Variants in ARK2N observed in about 807,000 individuals in gnomAD.
ARK2N encodes the protein arkadia (RNF111) N-terminal like PKA signaling regulator 2N.
At chr18:46,239,708 A>C in the ARK2N span, among the ~76,000 whole-genome samples, 179 of 152,092 alleles carry the variant, frequency 1.2e-3, no homozygotes, top group African/African-American at 4.1e-3. Flanking sequence ...TTTTTTCTTA[A>C]TCTTGCTCTT....
the ARK2N span, among the ~76,000 whole-genome samples, chr18:46,249,878 G>A: frequency 1.3e-5 from 2 of 152,022 alleles, no homozygotes; most frequent in South Asian, 4.1e-4. Context: ...CTGGAGTGCA[G>A]TGGTGCAATC....
the ARK2N span, among the ~76,000 whole-genome samples, chr18:46,183,877 G>A: frequency 6.6e-6 from 1 of 152,032 alleles, no homozygotes; most frequent in Non-Finnish European, 1.5e-5. Flanking sequence ...AGGCTGGAGT[G>A]CAGTGGCGCG....
the ARK2N span, among the ~76,000 whole-genome samples, chr18:46,254,990 G>A: frequency 6.7e-6 from 1 of 148,186 alleles, no homozygotes; most frequent in African/African-American, 2.5e-5. Flanking sequence ...GAGTGAAGTT[G>A]TGATTTTCTG....
At chr18:46,187,875 C>T in the ARK2N span, among the ~76,000 whole-genome samples, 4 of 152,030 alleles carry the variant, frequency 2.6e-5, no homozygotes, top group African/African-American at 9.7e-5. Flanking sequence ...CAAGCTAAGC[C>T]TATTAAAAAA....
the ARK2N span, among the ~76,000 whole-genome samples, chr18:46,207,388 C>CTTTTTTTTTTTTTTTTTTTTTT: frequency 1.7e-5 from 2 of 115,916 alleles, no homozygotes; most frequent in African/African-American, 3.2e-5. Flanking sequence ...AGTTTCTATA[C>CTTTTTTTTTTTTTTTTTTTTTT]TTTTTTTTTT....
At chr18:46,200,842 C>A in the ARK2N span, among the ~76,000 whole-genome samples, 1 of 152,010 alleles carries the variant, frequency 6.6e-6, no homozygotes. Flanking sequence ...CTTATTTCAT[C>A]CTTAACTAAA....
At chr18:46,199,903 C>G in the ARK2N span, among the ~76,000 whole-genome samples, 5 of 152,128 alleles carry the variant, frequency 3.3e-5, no homozygotes, top group Non-Finnish European at 7.4e-5. Context: ...ATACAGAGTT[C>G]AGTTTGTCCT....
At chr18:46,221,992 A>G in the ARK2N span, among the ~76,000 whole-genome samples, 4 of 152,226 alleles carry the variant, frequency 2.6e-5, no homozygotes, top group Non-Finnish European at 4.4e-5. Flanking sequence ...AAAACTGTCT[A>G]TTTTCAGATT....
At chr18:46,177,119 A>G in the ARK2N span, among the ~76,000 whole-genome samples, 3 of 152,212 alleles carry the variant, frequency 2.0e-5, no homozygotes, top group African/African-American at 7.2e-5. Context: ...ATTTTAGGAA[A>G]GAGTTTGGGA....
the ARK2N span, among the ~76,000 whole-genome samples, chr18:46,226,610 A>G: frequency 6.6e-6 from 1 of 152,172 alleles, no homozygotes; most frequent in African/African-American, 2.4e-5. Flanking sequence ...AGAAAATACC[A>G]CAGGATTGAA....
the ARK2N span, among the ~76,000 whole-genome samples, chr18:46,234,821 T>C: frequency 6.6e-6 from 1 of 152,226 alleles, no homozygotes; most frequent in East Asian, 1.9e-4. Flanking sequence ...ATAGGGTCTT[T>C]TGACAGCAAC....
the ARK2N span, among the ~76,000 whole-genome samples, chr18:46,191,502 T>C: frequency 2.0e-5 from 3 of 152,136 alleles, no homozygotes; most frequent in Non-Finnish European, 4.4e-5. Flanking sequence ...TTAAAGTTCG[T>C]AGTTAACATT....
the ARK2N span, chr18:46,239,925 ATTAGAGGGCTC>A: frequency 5.3e-6 from 7 of 1,329,300 alleles, no homozygotes; most frequent in Non-Finnish European, 7.5e-6. Context: ...GGCAACTGAC[ATTAGAGGGCTC>A]TTACTAGTTT....
the ARK2N span, among the ~76,000 whole-genome samples, chr18:46,198,256 C>A: frequency 6.9e-6 from 1 of 144,664 alleles, no homozygotes; most frequent in Non-Finnish European, 1.5e-5. Context: ...TTGCAGTGAG[C>A]CGAGATCGCC....
the ARK2N span, among the ~76,000 whole-genome samples, chr18:46,210,688 T>A: frequency 1.3e-5 from 2 of 152,060 alleles, no homozygotes; most frequent in Non-Finnish European, 2.9e-5. Flanking sequence ...GGTGGGTCGA[T>A]CACTTGAACT....
At chr18:46,191,084 T>G in the ARK2N span, among the ~76,000 whole-genome samples, 3 of 152,180 alleles carry the variant, frequency 2.0e-5, no homozygotes, top group African/African-American at 7.2e-5. Flanking sequence ...TGTGTACTGC[T>G]TTTGGGCTTT....
chr18:46,264,665 A>G, the ARK2N span: 1 of 152,088 alleles, frequency 6.6e-6, no homozygotes, highest in African/African-American at 2.4e-5. Context: ...CACACCGCAC[A>G]TACACATGCA....
the ARK2N span, among the ~76,000 whole-genome samples, chr18:46,206,653 G>A: frequency 6.6e-6 from 1 of 152,118 alleles, no homozygotes; most frequent in African/African-American, 2.4e-5. Context: ...TTAAAACACA[G>A]TCCTTGTTTT....
At chr18:46,201,945 T>G in the ARK2N span, among the ~76,000 whole-genome samples, 3 of 151,994 alleles carry the variant, frequency 2.0e-5, no homozygotes, top group Non-Finnish European at 4.4e-5. Flanking sequence ...GCCTGGCTAA[T>G]TTTTGTATTT....
Sources: allele counts gnomAD v4.1 joint callset (sites outside exome capture counted in the v4.1 genomes callset), GRCh38; gene constraint gnomAD v4.1.1; transcripts MANE v1.5; gene names NCBI Gene and HGNC (gene_info 2026-07-23, HGNC 2026-07-21).